The following ETFA variants were observed in gnomAD, a reference collection of about 807,000 sequenced individuals.
ETFA encodes the protein electron transfer flavoprotein subunit alpha.
ETFA carries 22 observed loss-of-function variants against 46.2 expected under a neutral mutation model. The ratio of observed to expected loss-of-function variants is 0.48; its 90% CI spans 0.34 to 0.68. ETFA has a LOEUF of 0.68. ETFA is among the 30% of genes least tolerant of loss of function. The probability of loss-of-function intolerance (pLI) is 0.01; values close to 1 mark genes in which losing one functional copy is unlikely to be tolerated. For synonymous variants in ETFA, 131 were observed against 139.9 expected, an observed-to-expected ratio of 0.94 and a Z score of 0.45; for missense variants, 345 against 401.1, an observed-to-expected ratio of 0.86 and a Z score of 1.19.
At chr15:76,218,801 A>G (rs1378914799) in intron 11 of ETFA, among the ~76,000 whole-genome samples, 3 of 152,168 alleles carry the variant, frequency 2.0e-5, no homozygotes, top group South Asian at 4.1e-4. Flanking sequence ...CAGTACAAGT[A>G]TGTTTCACTC....
At chr15:76,255,219 T>C (rs1449853678) in intron 9 of ETFA, among the ~76,000 whole-genome samples, 1 of 152,234 alleles carries the variant, frequency 6.6e-6, no homozygotes. Flanking sequence ...CTCTTAGGTT[T>C]ACAGATGCTA....
intron 10 of ETFA, chr15:76,227,981 C>A (rs1021021779): frequency 2.2e-6 from 1 of 455,936 alleles, no homozygotes; most frequent in East Asian, 7.0e-5. Context: ...GCCTCAAATC[C>A]AAAGGCACAA....
intron 11 of ETFA, among the ~76,000 whole-genome samples, chr15:76,220,956 C>A (rs2038951116): frequency 6.6e-6 from 1 of 152,126 alleles, no homozygotes; most frequent in Non-Finnish European, 1.5e-5. Flanking sequence ...ACCAGGTGAC[C>A]CAGCAATTCC....
chr15:76,292,659 A>G lies in ETFA; in HGVS notation c.228T>C (p.Val76=), dbSNP rs1277270558. 6.2e-7 allele frequency: 1 copy of G among 1,613,968 alleles called. No individual in the cohort carries two copies. Among genetic ancestry groups the G allele is most frequent in the Admixed American group, 1.7e-5 (1 of 60,028 alleles). The change falls in exon 3 of 12, where the codon GTT becomes GTC. Residue 76 remains valine (V), a synonymous_variant. Transcript: ENST00000557943. The part of the protein sequence containing the change: ...DLCKVAGIAK[V]LVAQHDVYKG... ...TGTACACATCATGCTGAGCCACCAG[A>G]ACTTTTGCTATGCCTGCTACTTTAC... is the stretch of plus-strand genomic sequence containing the variant.
chr15:76,243,313 C>T (rs2039210244), intron 9 of ETFA, among the ~76,000 whole-genome samples: 1 of 151,660 alleles, frequency 6.6e-6, no homozygotes. Flanking sequence ...GTTAAAACGG[C>T]AAATTTTATA....
intron 8 of ETFA, among the ~76,000 whole-genome samples, chr15:76,276,393 T>C (rs942389505): frequency 2.6e-5 from 4 of 152,050 alleles, no homozygotes; most frequent in African/African-American, 9.7e-5. Context: ...TTATTTCCTG[T>C]AGTTTGCAAA....
intron 8 of ETFA, among the ~76,000 whole-genome samples, chr15:76,280,065 G>A (rs1326055946): frequency 6.6e-6 from 1 of 151,352 alleles, no homozygotes; most frequent in Non-Finnish European, 1.5e-5. Flanking sequence ...CACCTGGCCT[G>A]GGACCTCTTT....
At chr15:76,254,626 A>C (rs1212274325) in intron 9 of ETFA, among the ~76,000 whole-genome samples, 1 of 152,126 alleles carries the variant, frequency 6.6e-6, no homozygotes, top group Non-Finnish European at 1.5e-5. Flanking sequence ...CTAAGATGTT[A>C]TTTACCGTTT....
chr15:76,259,633 G>A, intron 9 of ETFA: 1 of 882,828 alleles, frequency 1.1e-6, no homozygotes, highest in Admixed American at 1.7e-5. Context: ...CACTTGACGG[G>A]CAATTTGGAG....
At chr15:76,237,352 C>T (rs928652201) in intron 9 of ETFA, among the ~76,000 whole-genome samples, 2 of 151,966 alleles carry the variant, frequency 1.3e-5, no homozygotes, top group South Asian at 4.1e-4. Context: ...CATGCCTGGC[C>T]GATACTTAGA....
chr15:76,242,098 G>A (rs2141474266), intron 9 of ETFA, among the ~76,000 whole-genome samples: 1 of 152,242 alleles, frequency 6.6e-6, no homozygotes, highest in East Asian at 1.9e-4. Context: ...GCCTCCCAAA[G>A]TGCTGGGATT....
intron 1 of ETFA, among the ~76,000 whole-genome samples, chr15:76,310,340 A>T (rs1197714284): frequency 7.1e-6 from 1 of 141,608 alleles, no homozygotes; most frequent in Non-Finnish European, 1.5e-5. Context: ...GAAAAATCCC[A>T]GGAGTGGATG....
intron 1 of ETFA, among the ~76,000 whole-genome samples, chr15:76,304,773 G>A (rs573271410): frequency 4.6e-4 from 70 of 152,028 alleles, no homozygotes; most frequent in South Asian, 3.7e-3. Context: ...GGCCAGGAGC[G>A]GTGGCTCACA....
intron 11 of ETFA, among the ~76,000 whole-genome samples, chr15:76,221,876 CAATT>C (rs1284545226): frequency 2.0e-5 from 3 of 152,180 alleles, no homozygotes; most frequent in African/African-American, 7.2e-5. Context: ...TCAAGCAAAA[CAATT>C]AATATAAGAG....
intron 1 of ETFA, among the ~76,000 whole-genome samples, chr15:76,311,146 CCT>C (rs1268751627): frequency 1.3e-5 from 2 of 152,222 alleles, no homozygotes; most frequent in Admixed American, 1.3e-4. Flanking sequence ...TGACCCCAAA[CCT>C]CTGACTTCTG....
At chr15:76,285,801 T>G (rs1387665766) in intron 6 of ETFA, 63 bp from the exon 7 acceptor site, 1 of 1,053,438 alleles carries the variant, frequency 9.5e-7, no homozygotes, top group Non-Finnish European at 1.5e-6. Flanking sequence ...CAAGAATTAT[T>G]TTCAAGAGAA....
intron 10 of ETFA, among the ~76,000 whole-genome samples, chr15:76,228,413 T>G (rs566463205): frequency 6.6e-6 from 1 of 152,302 alleles, no homozygotes; most frequent in South Asian, 2.1e-4. Flanking sequence ...CTCCAACTCC[T>G]GGACTCAAGT....
chr15:76,220,603 A>G (rs2038947623), intron 11 of ETFA, among the ~76,000 whole-genome samples: 1 of 152,260 alleles, frequency 6.6e-6, no homozygotes, highest in Non-Finnish European at 1.5e-5. Context: ...ACTTATATCC[A>G]TAATATATAA....
At chr15:76,300,936 C>T (rs1413279606) in intron 1 of ETFA, among the ~76,000 whole-genome samples, 2 of 152,144 alleles carry the variant, frequency 1.3e-5, no homozygotes, top group African/African-American at 4.8e-5. Flanking sequence ...AGGTCAATTC[C>T]TCCAAAAAGC....
Sources: allele counts gnomAD v4.1 joint callset (sites outside exome capture counted in the v4.1 genomes callset), GRCh38; gene constraint gnomAD v4.1.1; transcripts MANE v1.5; gene names NCBI Gene and HGNC (gene_info 2026-07-23, HGNC 2026-07-21).